Variants in OPCML observed in about 807,000 individuals in gnomAD.
OPCML encodes opioid binding protein/cell adhesion molecule like.
Under a neutral mutation model 37.8 loss-of-function variants are expected in OPCML, and 13 were observed. That is an observed-to-expected ratio of 0.34 (90% confidence interval 0.22 to 0.55). The LOEUF is 0.55. OPCML is among the 20% of genes least tolerant of loss of function. OPCML has a pLI of 0.91. For missense variants in OPCML, 341 were observed against 435.6 expected, an observed-to-expected ratio of 0.78 and a Z score of 1.93; for synonymous variants, 176 against 168.8, an observed-to-expected ratio of 1.04 and a Z score of -0.33.
At chr11:132,841,624 C>A (rs1007524301) in intron 2 of OPCML, among the ~76,000 whole-genome samples, 2 of 151,936 alleles carry the variant, frequency 1.3e-5, no homozygotes, top group African/African-American at 2.4e-5. Context: ...TGGCTCACAC[C>A]TGTAATCCCA....
chr11:132,783,462 G>C (rs1214617280), intron 2 of OPCML, among the ~76,000 whole-genome samples: 1 of 152,138 alleles, frequency 6.6e-6, no homozygotes, highest in Non-Finnish European at 1.5e-5. Flanking sequence ...TGTTCAAACA[G>C]TTAATTCTTG....
intron 1 of OPCML, chr11:133,006,920 C>T (rs1184731226): frequency 4.1e-6 from 4 of 985,320 alleles, no homozygotes; most frequent in African/African-American, 1.7e-5. Flanking sequence ...TGGTGTAGTG[C>T]TTGTGGCATA....
At chr11:132,431,638 G>A (rs2095997351) in intron 7 of OPCML, among the ~76,000 whole-genome samples, 1 of 152,180 alleles carries the variant, frequency 6.6e-6, no homozygotes, top group African/African-American at 2.4e-5. Flanking sequence ...GTCATTTCAG[G>A]TTTCCAACCA....
At chr11:133,277,186 T>C (rs747709683) in intron 1 of OPCML, among the ~76,000 whole-genome samples, 8 of 152,194 alleles carry the variant, frequency 5.3e-5, no homozygotes, top group Non-Finnish European at 8.8e-5. Flanking sequence ...CAAATATGTG[T>C]CACGTCCAGC....
intron 3 of OPCML, among the ~76,000 whole-genome samples, chr11:132,552,126 A>C (rs73034680): frequency 0.021 from 3,164 of 152,306 alleles, 104 homozygotes; most frequent in East Asian, 0.042. Context: ...CTCAGTTTCT[A>C]ACTTTAGTAG....
chr11:132,434,096 C>T (rs913375515), intron 7 of OPCML, among the ~76,000 whole-genome samples: 1 of 152,152 alleles, frequency 6.6e-6, no homozygotes, highest in South Asian at 2.1e-4. Context: ...CCTGCAACAG[C>T]AATCCCACCA....
chr11:133,368,291 G>A (rs1433370284), intron 1 of OPCML, among the ~76,000 whole-genome samples: 1 of 151,884 alleles, frequency 6.6e-6, no homozygotes, highest in Non-Finnish European at 1.5e-5. Context: ...GAGAGGGAGA[G>A]GAGGGAAGGC....
intron 2 of OPCML, among the ~76,000 whole-genome samples, chr11:132,707,157 G>A (rs577409906): frequency 9.2e-5 from 14 of 152,314 alleles, no homozygotes; most frequent in African/African-American, 2.6e-4. Context: ...GAGGAAGAAA[G>A]GGCTTTGGAA....
At chr11:133,102,281 G>A (rs926195884) in intron 1 of OPCML, among the ~76,000 whole-genome samples, 2 of 152,198 alleles carry the variant, frequency 1.3e-5, no homozygotes, top group Non-Finnish European at 2.9e-5. Flanking sequence ...GAGGGAGACT[G>A]CAGCAGATTT....
intron 7 of OPCML, among the ~76,000 whole-genome samples, chr11:132,428,763 C>T (rs1482907253): frequency 6.6e-6 from 1 of 152,196 alleles, no homozygotes; most frequent in Non-Finnish European, 1.5e-5. Flanking sequence ...GTTCTTTGAG[C>T]TCTAGGCTCT....
chr11:132,444,736 G>C (rs1235927857), intron 4 of OPCML, among the ~76,000 whole-genome samples: 2 of 151,174 alleles, frequency 1.3e-5, no homozygotes, highest in Non-Finnish European at 2.9e-5. Flanking sequence ...TCCGTCCCCC[G>C]CCCCAACCTC....
intron 2 of OPCML, among the ~76,000 whole-genome samples, chr11:132,790,726 A>G (rs958603442): frequency 6.6e-6 from 1 of 152,222 alleles, no homozygotes; most frequent in African/African-American, 2.4e-5. Flanking sequence ...GTCTGTTTCC[A>G]TCTCTTCGGG....
Position 132,609,132 on chromosome 11 carries a change from C to A in OPCML, c.379+47955G>T, listed in dbSNP as rs1354718797. Among the ~76,000 whole-genome samples, 9 of 151,868 alleles carry A rather than the reference C, an allele frequency of 5.9e-5. No homozygotes were observed. In the East Asian group the frequency reaches 1.8e-3, roughly 30 times the overall value. ...ATTCGTGTTTCTCATCGGCTTCTCA[C>A]CACATGCAGAATCAATGCCAAACCC... On this transcript the variant is annotated intron_variant, in intron 3 of 7. Coordinates refer to ENST00000524381, the MANE Select transcript of OPCML (RefSeq NM_001012393.5).
At chr11:133,412,541 C>T (rs182473793) in intron 1 of OPCML, among the ~76,000 whole-genome samples, 1 of 152,308 alleles carries the variant, frequency 6.6e-6, no homozygotes, top group Non-Finnish European at 1.5e-5. Flanking sequence ...GAGAGTAGAA[C>T]CCTACCATCT....
chr11:132,587,620 C>A (rs2096475848), intron 3 of OPCML, among the ~76,000 whole-genome samples: 1 of 152,192 alleles, frequency 6.6e-6, no homozygotes, highest in Non-Finnish European at 1.5e-5. Context: ...AGTGACAGGG[C>A]ATCCTTCACA....
At chr11:132,723,573 G>T (rs560609795) in intron 2 of OPCML, among the ~76,000 whole-genome samples, 3 of 152,056 alleles carry the variant, frequency 2.0e-5, no homozygotes, top group African/African-American at 7.3e-5. Flanking sequence ...TTAATGAAAC[G>T]TATCATAGAA....
intron 1 of OPCML, chr11:133,004,628 C>T (rs1032053812): frequency 1.0e-6 from 1 of 985,360 alleles, no homozygotes; most frequent in Non-Finnish European, 1.2e-6. Context: ...TTGCTGCCCC[C>T]ACTGCTAACA....
intron 1 of OPCML, among the ~76,000 whole-genome samples, chr11:133,109,492 CTGGTGCGTTTTACAGAGCACTGAT>C (rs1332707234): frequency 1.7e-4 from 26 of 150,888 alleles, no homozygotes; most frequent in Non-Finnish European, 3.0e-4. Context: ...AGAGCACTGA[CTGGTGCGTTTTACAGAGCACTGAT>C]TGGTGCATTT....
chr11:133,023,183 G>A (rs1367885090), intron 1 of OPCML, among the ~76,000 whole-genome samples: 1 of 152,208 alleles, frequency 6.6e-6, no homozygotes, highest in Non-Finnish European at 1.5e-5. Flanking sequence ...AAACATTGGT[G>A]AGTGTTAGGT....
Sources: gnomAD v4.1 joint callset for allele counts (sites outside exome capture counted in the v4.1 genomes callset) on GRCh38, gnomAD v4.1.1 for gene constraint, MANE v1.5 for transcripts, NCBI Gene and HGNC (gene_info 2026-07-23, HGNC 2026-07-21) for gene names.